Variants in MROH1 observed in about 807,000 individuals in gnomAD.
MROH1 encodes the protein maestro heat like repeat family member 1.
In MROH1, 117 loss-of-function variants were observed where a neutral mutation model predicts 116.5. That is an observed-to-expected ratio of 1.00 (90% CI 0.86 to 1.17). The LOEUF (loss-of-function observed/expected upper bound fraction) is 1.17. Among genes scored for constraint, MROH1 ranks in the 50% most tolerant of loss-of-function variants. The pLI is 0.00. For synonymous variants in MROH1, 921 were observed against 583.9 expected, an observed-to-expected ratio of 1.58 and a Z score of -8.32; for missense variants, 1,873 against 1,338.5, an observed-to-expected ratio of 1.40 and a Z score of -6.23.
intron 33 of MROH1, chr8:144,252,700 C>T (rs1449662305): frequency 6.8e-6 from 1 of 148,096 alleles, no homozygotes; most frequent in South Asian, 2.1e-4. Flanking sequence ...GGCACGGTGG[C>T]TCACGCCTAT....
chr8:144,202,066 G>A (rs1831292352), intron 12 of MROH1, among the ~76,000 whole-genome samples: 1 of 152,042 alleles, frequency 6.6e-6, no homozygotes, highest in African/African-American at 2.4e-5. Context: ...GGAGGACGGG[G>A]CAGACGGGGC....
In MROH1 at chr8:144,168,361, G is replaced by T; in HGVS notation, c.89G>T (p.Ser30Ile). ...CCCCTGGTGCAGGAGCAGGTCTGCA[G>T]TGCCCTGTGCTCCCTCGGGGAGGCG... ...KDPLVQEQVC[S>I]ALCSLGEARP... The change falls in exon 4 of 44, where the codon AGT becomes ATT. Residue 30 changes from serine to isoleucine, a missense_variant. Coordinates refer to ENST00000326134, the MANE Select transcript of MROH1 (RefSeq NM_032450.3). 1 of 1,611,270 alleles carries T rather than the reference G, an allele frequency of 6.2e-7. No individual in the cohort carries two copies.
At chr8:144,192,754 G>T in intron 10 of MROH1, 1 of 430,690 alleles carries the variant, frequency 2.3e-6, no homozygotes, top group Non-Finnish European at 4.4e-6. Context: ...GCTCAGAGGA[G>T]CAGAGGAGAG....
In MROH1 at chr8:144,163,069, C is replaced by A. The variant is rs56803860; in HGVS notation, c.-56-702C>A. ...TCGCCTCCAACCCATGTGTGCACAG[C>A]GCAGGGAGGTGTCCTGGCTGGTCAG... On this transcript the variant is annotated intron_variant, in intron 2 of 43. Coordinates refer to ENST00000326134, the MANE Select transcript of MROH1 (RefSeq NM_032450.3). This position sits in a 1 kb window ranked among gnomAD's most constrained non-coding sequence, Gnocchi z 4.4. Among the ~76,000 whole-genome samples the A allele has an allele frequency of 1.2e-4, 18 of 152,146 alleles. No individual in the cohort carries two copies. Among genetic ancestry groups the A allele is most frequent in the Non-Finnish European group, 1.5e-5 (1 of 68,040 alleles).
chr8:144,243,469 C>A, intron 24 of MROH1, 25 bp from the exon 25 acceptor site: 1 of 778,300 alleles, frequency 1.3e-6, no homozygotes, highest in Non-Finnish European at 2.4e-6. Flanking sequence ...GCGTGGGCGT[C>A]TCCTGTAGCC....
At chr8:144,167,829 A>G (rs1215719045) in intron 3 of MROH1, among the ~76,000 whole-genome samples, 1 of 152,102 alleles carries the variant, frequency 6.6e-6, no homozygotes, top group Non-Finnish European at 1.5e-5. Flanking sequence ...GTCAAGGGCT[A>G]TGTGTGGGCA....
intron 35 of MROH1, among the ~76,000 whole-genome samples, chr8:144,257,814 T>G (rs1844181270): frequency 1.3e-5 from 2 of 152,242 alleles, no homozygotes; most frequent in Admixed American, 6.5e-5. Context: ...TGTCTGCTTT[T>G]GGGCCAGGTG....
At chr8:144,255,010 G>A (rs1302216085) in intron 34 of MROH1, 32 bp downstream of exon 34, 26 of 726,084 alleles carry the variant, frequency 3.6e-5, no homozygotes, top group South Asian at 8.7e-5. Context: ...ACCTTGACAC[G>A]CTGTCCCTGC....
chr8:144,235,267 TGGATTTCTTA>T (rs1839861470), intron 14 of MROH1, among the ~76,000 whole-genome samples: 1 of 152,352 alleles, frequency 6.6e-6, no homozygotes, highest in South Asian at 2.1e-4. Context: ...TAGTTTTTAT[TGGATTTCTTA>T]GGATTTCTAT....
intron 7 of MROH1, among the ~76,000 whole-genome samples, chr8:144,188,410 G>A (rs1411103664): frequency 1.3e-5 from 2 of 148,308 alleles, no homozygotes; most frequent in Admixed American, 1.3e-4. Flanking sequence ...GCCCAGGGGG[G>A]CCTCACAGCA....
chr8:144,223,898 A>T (rs536681318), intron 14 of MROH1, among the ~76,000 whole-genome samples: 1 of 152,316 alleles, frequency 6.6e-6, no homozygotes, highest in Admixed American at 6.5e-5. Flanking sequence ...TGTGGTGCCC[A>T]CTGTGCCTCA....
intron 7 of MROH1, among the ~76,000 whole-genome samples, chr8:144,188,449 A>ATTTTTTTT (rs573524223): frequency 1.3e-4 from 6 of 45,836 alleles, no homozygotes; most frequent in East Asian, 8.2e-4. Context: ...CCACTGCCCA[A>ATTTTTTTT]TTTTTTTTTT....
intron 4 of MROH1, among the ~76,000 whole-genome samples, chr8:144,176,434 G>C (rs1823940116): frequency 1.3e-5 from 2 of 151,336 alleles, no homozygotes; most frequent in Admixed American, 1.3e-4. Flanking sequence ...TACTTGAGAG[G>C]TTGTGGCAGG....
In MROH1 at chr8:144,261,369, GCCCCTCCGCTGGGC is replaced by G; in HGVS notation, c.4840+23_4840+36del. 1.4e-6 allele frequency: 1 copy of G among 701,810 alleles called. No individual in the cohort carries two copies. The highest frequency in any genetic ancestry group is 2.6e-6 in the Non-Finnish European group (1 of 385,604). 43.5% of individuals were successfully genotyped at this position (701,810 alleles called of 1,614,324 possible). On this transcript the variant is annotated intron_variant, in intron 43 of 43. Coordinates refer to ENST00000326134, the MANE Select transcript of MROH1 (RefSeq NM_032450.3). ...TTGCGGGTGAGCACCCCTCCACGGGGCCCCTCCGCTGGGCCCTGCTGACCCTGTAGGCACCCGCA... is the reference window on the plus strand; with the variant it reads ...TTGCGGGTGAGCACCCCTCCACGGGGCCTGCTGACCCTGTAGGCACCCGCA...
intron 14 of MROH1, among the ~76,000 whole-genome samples, chr8:144,225,170 G>A (rs1446696891): frequency 6.6e-6 from 1 of 151,820 alleles, no homozygotes; most frequent in Non-Finnish European, 1.5e-5. Flanking sequence ...TCCCGAGTAG[G>A]TGGGACCACA....
rs1818504052 is a variant in MROH1 at position 144,157,730 on chromosome 8, T to G, written c.-176-3240T>G. ...GGTTGCTTTGTCACCCAGGCTGGAG[T>G]GCAGTGGTGCAGTCTTGGCTCACTG... On this transcript the variant is annotated intron_variant, in intron 1 of 43. Transcript: ENST00000326134. Among the ~76,000 whole-genome samples the G allele has an allele frequency of 4.1e-5, 6 of 146,208 alleles. No individual in the cohort carries two copies. The South Asian group carries it at 1.3e-3, about 31-fold the overall frequency.
At chr8:144,250,938 G>A (rs988252358) in intron 33 of MROH1, 6 of 193,482 alleles carry the variant, frequency 3.1e-5, no homozygotes, top group African/African-American at 7.1e-5. Context: ...CCCCTTCCTC[G>A]CCGAGGCCTC....
At chr8:144,215,865 T>C (rs1428836816) in intron 12 of MROH1, among the ~76,000 whole-genome samples, 1 of 117,224 alleles carries the variant, frequency 8.5e-6, no homozygotes, top group South Asian at 2.9e-4. Flanking sequence ...AGAGCGAGAC[T>C]CTGTCGCAAA....
chr8:144,174,925 A>G (rs1823440735), intron 4 of MROH1: 2 of 985,454 alleles, frequency 2.0e-6, no homozygotes, highest in Non-Finnish European at 2.4e-6. Context: ...AGAGTGACAG[A>G]TGGAGATGCC....
Sources: gnomAD v4.1 joint callset for allele counts (sites outside exome capture counted in the v4.1 genomes callset) on GRCh38, gnomAD v4.1.1 for gene constraint, Gnocchi (gnomAD v3.1) non-coding constraint, MANE v1.5 for transcripts, NCBI Gene and HGNC (gene_info 2026-07-23, HGNC 2026-07-21) for gene names.